Variants in TNRC6C observed in about 807,000 individuals in gnomAD.
TNRC6C encodes the protein trinucleotide repeat-containing gene 6C protein.
Under a neutral mutation model 153.7 loss-of-function variants are expected in TNRC6C, and 20 were observed. That is an observed-to-expected ratio of 0.13 (90% CI 0.09 to 0.19). The LOEUF (loss-of-function observed/expected upper bound fraction) is 0.19, where lower values mean the gene tolerates loss of function less well. Among genes scored for constraint, TNRC6C ranks in the 10% least tolerant of loss-of-function variants. The pLI is 1.00. For missense variants in TNRC6C, 1,987 were observed against 2,172.0 expected (o/e 0.91, Z 1.69); for synonymous variants, 811 against 841.4 (o/e 0.96, Z 0.63).
intron 2 of TNRC6C, among the ~76,000 whole-genome samples, chr17:78,048,151 A>G (rs1026748606): frequency 2.7e-5 from 4 of 147,166 alleles, no homozygotes; most frequent in African/African-American, 1.1e-4. Context: ...CTTGAGCTAC[A>G]GATTTTTTTT....
rs2073136062 is a variant in TNRC6C at position 78,079,194 on chromosome 17, A to C, written c.3211-201A>C. On this transcript the variant is annotated intron_variant, in intron 9 of 19. Transcript: ENST00000301624. The surrounding 1 kb of genome is among the most constrained non-coding windows in gnomAD (Gnocchi z 4.3). ...GACCCAGGAGGCAGAGGCTACAGTG[A>C]GCCAAGACCGCGCTACTGCACTCCA... is the stretch of plus-strand genomic sequence containing the variant. Among the ~76,000 whole-genome samples the C allele has an allele frequency of 6.6e-6, 1 of 151,984 alleles. No individual in the cohort carries two copies. Among genetic ancestry groups the C allele is most frequent in the South Asian group, 2.1e-4 (1 of 4,820 alleles).
exon 3 of TNRC6C, chr17:78,050,254 G>A: frequency 7.8e-6 from 12 of 1,542,804 alleles, no homozygotes; most frequent in Non-Finnish European, 1.0e-5. Context: ...AGCAAGTGAA[G>A]GAAGTAGTGA....
intron 1 of TNRC6C, among the ~76,000 whole-genome samples, chr17:77,998,386 G>T (rs545623704): frequency 6.6e-6 from 1 of 152,288 alleles, no homozygotes; most frequent in African/African-American, 2.4e-5. Flanking sequence ...CCAAATATGG[G>T]AAGTTTTTCA....
At chr17:78,019,231 C>G (rs1476967509) in intron 1 of TNRC6C, among the ~76,000 whole-genome samples, 2 of 152,148 alleles carry the variant, frequency 1.3e-5, no homozygotes, top group Non-Finnish European at 2.9e-5. Flanking sequence ...CAGACCCTAG[C>G]AAGGGTAGAC....
At chr17:78,014,020 G>C (rs1460580010) in intron 1 of TNRC6C, among the ~76,000 whole-genome samples, 2 of 152,196 alleles carry the variant, frequency 1.3e-5, no homozygotes, top group Non-Finnish European at 2.9e-5. Context: ...CTAAATGTTG[G>C]AGTAGTTTAA....
At chr17:78,072,640 T>C (rs1028798442) in intron 6 of TNRC6C, among the ~76,000 whole-genome samples, 1 of 152,174 alleles carries the variant, frequency 6.6e-6, no homozygotes, top group East Asian at 1.9e-4. Flanking sequence ...CCCAACACTT[T>C]GGGAGCCCAA....
At chr17:78,097,923 G>A in intron 16 of TNRC6C, 62 bp downstream of exon 19, 1 of 1,315,628 alleles carries the variant, frequency 7.6e-7, no homozygotes, top group Non-Finnish European at 1.0e-6. Context: ...ACAAAACTTT[G>A]ACAGGCCCCA....
At chr17:78,021,391 T>C (rs2071829315) in intron 1 of TNRC6C, among the ~76,000 whole-genome samples, 1 of 152,264 alleles carries the variant, frequency 6.6e-6, no homozygotes, top group Admixed American at 6.5e-5. Flanking sequence ...CTGGTCCTGT[T>C]GTGCTCATAG....
intron 1 of TNRC6C, among the ~76,000 whole-genome samples, chr17:77,993,004 T>G (rs935856157): frequency 6.6e-6 from 1 of 152,130 alleles, no homozygotes; most frequent in Non-Finnish European, 1.5e-5. Context: ...CTCACTCTGT[T>G]GCCCAGGCTG....
intron 1 of TNRC6C, among the ~76,000 whole-genome samples, chr17:77,994,996 A>G (rs946886951): frequency 2.6e-5 from 4 of 152,226 alleles, no homozygotes; most frequent in Non-Finnish European, 4.4e-5. Context: ...GGGCTCCTCT[A>G]TCAGCCAAGA....
chr17:77,989,238 TC>T (rs1457605710), intron 1 of TNRC6C, among the ~76,000 whole-genome samples: 1 of 152,220 alleles, frequency 6.6e-6, no homozygotes, highest in Non-Finnish European at 1.5e-5. Context: ...GAGCCAGAGA[TC>T]CTAGGTATTC....
chr17:78,103,551 C>T, exon 19 of TNRC6C: 1 of 1,613,952 alleles, frequency 6.2e-7, no homozygotes, highest in Non-Finnish European at 8.5e-7. Context: ...AGTCTCTGCA[C>T]ATGTATGTTT....
At chr17:77,962,921 T>A (rs1007905078) in intron 1 of TNRC6C, among the ~76,000 whole-genome samples, 2 of 152,240 alleles carry the variant, frequency 1.3e-5, no homozygotes, top group African/African-American at 4.8e-5. Context: ...TGTTTGAAGA[T>A]GTCATAGATT....
upstream of TNRC6C, among the ~76,000 whole-genome samples, chr17:78,003,951 C>G (rs1179517426): frequency 6.6e-6 from 1 of 152,180 alleles, no homozygotes; most frequent in Admixed American, 6.5e-5. Context: ...GGTTGGTGTT[C>G]AACAATGTGG....
chr17:77,992,217 C>CACTGGGAACGTTCACACTTGGACTGTGTT (rs1404757893), intron 1 of TNRC6C, among the ~76,000 whole-genome samples: 6 of 121,250 alleles, frequency 4.9e-5, no homozygotes, highest in East Asian at 2.3e-4. Flanking sequence ...TAAGCAAAAC[C>CACTGGGAACGTTCACACTTGGACTGTGTT]GGCCGGGCGC....
intron 1 of TNRC6C, among the ~76,000 whole-genome samples, chr17:77,985,844 G>C (rs1000023578): frequency 1.3e-5 from 2 of 152,104 alleles, no homozygotes; most frequent in Non-Finnish European, 2.9e-5. Flanking sequence ...CAGGGGCCAG[G>C]AATCTTAGGA....
rs184340837 is a variant in TNRC6C, at chr17:78,028,147, G to A, written c.-545-3369G>A. 1.6e-3 allele frequency among the ~76,000 whole-genome samples: 237 copies of A among 152,116 alleles called. 2 individuals carry two copies. Among genetic ancestry groups the A allele is most frequent in the Admixed American group, 0.015 (227 of 15,266 alleles). On this transcript the variant is annotated intron_variant, in intron 1 of 19. Transcript: ENST00000301624. ...TCTGACCTTGTGATCTGCCCGCCTCGGCCTCCCAAAGTGCTGGGATTACAG... is the reference window on the plus strand; with the variant it reads ...TCTGACCTTGTGATCTGCCCGCCTCAGCCTCCCAAAGTGCTGGGATTACAG...
At chr17:78,017,692 C>T (rs2071754495) in intron 1 of TNRC6C, among the ~76,000 whole-genome samples, 1 of 152,224 alleles carries the variant, frequency 6.6e-6, no homozygotes. Flanking sequence ...AGCTATAGGT[C>T]AAGTGATACA....
chr17:78,040,340 A>G (rs573345645), intron 2 of TNRC6C, among the ~76,000 whole-genome samples: 8 of 152,288 alleles, frequency 5.3e-5, no homozygotes, highest in African/African-American at 7.2e-5. Context: ...TTAAAAAATA[A>G]TAATAATAAT....
Sources: gnomAD v4.1 joint callset for allele counts (sites outside exome capture counted in the v4.1 genomes callset) on GRCh38, gnomAD v4.1.1 for gene constraint, Gnocchi (gnomAD v3.1) non-coding constraint, MANE v1.5 for transcripts, NCBI Gene and HGNC (gene_info 2026-07-23, HGNC 2026-07-21) for gene names.